FOXO1: variants seen among roughly 807,000 people sequenced by gnomAD.
FOXO1 encodes the protein forkhead box O1, also known as forkhead box protein O1.
A neutral mutation model predicts 44.1 loss-of-function variants in FOXO1; 6 were observed. The ratio of observed to expected loss-of-function variants is 0.14; its 90% CI spans 0.07 to 0.27. FOXO1 has a LOEUF of 0.27. Ranked by LOEUF, FOXO1 falls within the 10% of genes least tolerant of loss-of-function variation. FOXO1 has a pLI of 1.00. For missense variants in FOXO1, 737 were observed against 888.8 expected, an observed-to-expected ratio of 0.83 and a Z score of 2.17; for synonymous variants, 380 against 362.7, an observed-to-expected ratio of 1.05 and a Z score of -0.54.
chr13:40,629,254 T>C (rs954095090), intron 1 of FOXO1, among the ~76,000 whole-genome samples: 3 of 152,170 alleles, frequency 2.0e-5, no homozygotes, highest in Non-Finnish European at 4.4e-5. Flanking sequence ...GCTATTCTCC[T>C]GCCTCAGCCT....
chr13:40,603,812 T>C (rs1875897279), intron 1 of FOXO1, among the ~76,000 whole-genome samples: 1 of 152,228 alleles, frequency 6.6e-6, no homozygotes, highest in African/African-American at 2.4e-5. Flanking sequence ...ACATTCATAT[T>C]TAATAACTAA....
intron 1 of FOXO1, among the ~76,000 whole-genome samples, chr13:40,622,994 T>C (rs764557169): frequency 1.3e-5 from 2 of 152,216 alleles, no homozygotes; most frequent in Non-Finnish European, 2.9e-5. Context: ...AAGTCTGCTA[T>C]GGCAACACAC....
chr13:40,592,321 AG>A lies in FOXO1; in HGVS notation c.631-31462del, dbSNP rs554946115. On this transcript the variant is annotated intron_variant, in intron 1 of 2. Transcript: ENST00000379561. Reference sequence around the variant, plus strand: ...AAAAAAAACAACTTCATCAAAACTCAGGACAGAGAAAGTTGCTCTCAGCTCA... The same window carrying A: ...AAAAAAAACAACTTCATCAAAACTCAGACAGAGAAAGTTGCTCTCAGCTCA... Among the ~76,000 whole-genome samples, 24 of 152,338 alleles carry A rather than the reference AG, an allele frequency of 1.6e-4. No homozygotes were observed. In the East Asian group the frequency reaches 4.6e-3, roughly 29 times the overall value.
intron 1 of FOXO1, among the ~76,000 whole-genome samples, 158 bp downstream of exon 1, chr13:40,665,425 A>G: frequency 7.0e-6 from 1 of 143,670 alleles, no homozygotes; most frequent in Admixed American, 6.8e-5. Context: ...CCCCGACCGG[A>G]CCCGGGCGAG....
intron 1 of FOXO1, among the ~76,000 whole-genome samples, chr13:40,578,095 A>G (rs905094126): frequency 1.3e-5 from 2 of 152,186 alleles, no homozygotes; most frequent in Non-Finnish European, 2.9e-5. Flanking sequence ...TAGTAAAAGC[A>G]AAATTGCACG....
chr13:40,604,445 T>C (rs1875926810), intron 1 of FOXO1, among the ~76,000 whole-genome samples: 1 of 152,156 alleles, frequency 6.6e-6, no homozygotes, highest in African/African-American at 2.4e-5. Context: ...TGTGGTTCTC[T>C]TGGTAGGTTT....
chr13:40,634,135 C>T (rs1877064144), intron 1 of FOXO1, among the ~76,000 whole-genome samples: 1 of 152,186 alleles, frequency 6.6e-6, no homozygotes, highest in Admixed American at 6.5e-5. Flanking sequence ...AGGTATATGA[C>T]AGGGTACCAG....
At chr13:40,644,339 G>A (rs1004874406) in intron 1 of FOXO1, among the ~76,000 whole-genome samples, 5 of 152,166 alleles carry the variant, frequency 3.3e-5, no homozygotes, top group African/African-American at 1.2e-4. Flanking sequence ...CGCACCCCAA[G>A]GGGAGCCAAG....
intron 1 of FOXO1, among the ~76,000 whole-genome samples, chr13:40,656,752 C>A (rs1223839698): frequency 1.3e-5 from 2 of 152,176 alleles, no homozygotes; most frequent in Non-Finnish European, 2.9e-5. Flanking sequence ...GTCCATAACA[C>A]AGCATTATTT....
At chr13:40,620,098 G>C (rs1335147723) in intron 1 of FOXO1, 5 of 1,095,028 alleles carry the variant, frequency 4.6e-6, no homozygotes, top group African/African-American at 1.5e-5. Flanking sequence ...TTTAGAGCAA[G>C]ATAGAGAACA....
intron 1 of FOXO1, among the ~76,000 whole-genome samples, chr13:40,635,517 G>A (rs1212166109): frequency 1.3e-5 from 2 of 152,042 alleles, no homozygotes; most frequent in East Asian, 3.9e-4. Context: ...TCATCATCCT[G>A]GTCAGTTTTG....
At chr13:40,592,817 G>A (rs553409425) in intron 1 of FOXO1, among the ~76,000 whole-genome samples, 1 of 151,996 alleles carries the variant, frequency 6.6e-6, no homozygotes, top group South Asian at 2.1e-4. Context: ...GGCCCCTATT[G>A]TCTTCCCAAG....
chr13:40,661,283 T>C (rs956486308), intron 1 of FOXO1, among the ~76,000 whole-genome samples: 8 of 149,192 alleles, frequency 5.4e-5, no homozygotes, highest in African/African-American at 2.0e-4. Context: ...GCTTTCTTCT[T>C]TTTTTTTTTG....
intron 1 of FOXO1, among the ~76,000 whole-genome samples, chr13:40,601,752 A>C (rs1345557542): frequency 6.6e-6 from 1 of 152,220 alleles, no homozygotes; most frequent in Non-Finnish European, 1.5e-5. Context: ...CTTTTGAAAA[A>C]TATAGAGCAA....
intron 1 of FOXO1, among the ~76,000 whole-genome samples, chr13:40,564,044 CAT>C (rs1415117014): frequency 6.6e-6 from 1 of 152,190 alleles, no homozygotes; most frequent in African/African-American, 2.4e-5. Context: ...GTCCCTGTCA[CAT>C]TTAGTTAATG....
chr13:40,615,560 CAT>C (rs879790718), intron 1 of FOXO1, among the ~76,000 whole-genome samples: 8,534 of 150,940 alleles, frequency 0.057, 269 homozygotes, highest in South Asian at 0.15. Flanking sequence ...TACATACATA[CAT>C]ACATACATAC....
chr13:40,626,617 C>T (rs931839219), intron 1 of FOXO1, among the ~76,000 whole-genome samples: 1 of 152,194 alleles, frequency 6.6e-6, no homozygotes, highest in African/African-American at 2.4e-5. Flanking sequence ...GGCTACATAA[C>T]AAAGTTGGTA....
intron 1 of FOXO1, among the ~76,000 whole-genome samples, chr13:40,651,226 ACT>A (rs1316125095): frequency 2.6e-5 from 4 of 151,630 alleles, no homozygotes; most frequent in South Asian, 2.1e-4. Flanking sequence ...GGCACACAGT[ACT>A]CTCTCTGCCT....
chr13:40,663,074 C>T lies in FOXO1; in HGVS notation c.630+2509G>A, dbSNP rs568014099. On this transcript the variant is annotated intron_variant, in intron 1 of 2. Transcript: ENST00000379561. ...ATCAGACTTAAACCAACTGACATTA[C>T]ACCTGAAACACTTACTCATTTGAGA... Among the ~76,000 whole-genome samples the T allele has an allele frequency of 2.0e-5, 3 of 152,322 alleles. No homozygotes were observed. The South Asian group carries it at 6.2e-4, about 32-fold the overall frequency.
Sources: gnomAD v4.1 joint callset for allele counts (sites outside exome capture counted in the v4.1 genomes callset) on GRCh38, gnomAD v4.1.1 for gene constraint, MANE v1.5 for transcripts, NCBI Gene and HGNC (gene_info 2026-07-23, HGNC 2026-07-21) for gene names.